Variants in SH3KBP1 observed in about 807,000 individuals in gnomAD.
The protein encoded by SH3KBP1 is SH3 domain-containing kinase-binding protein 1.
In SH3KBP1, 8 loss-of-function variants were observed where a neutral mutation model predicts 50.1. The ratio of observed to expected loss-of-function variants is 0.16; its 90% CI spans 0.09 to 0.29. SH3KBP1 has a LOEUF of 0.29. SH3KBP1 is among the 10% of genes least tolerant of loss of function. The probability of loss-of-function intolerance (pLI) is 1.00; values close to 1 mark genes in which losing one functional copy is unlikely to be tolerated. For synonymous variants in SH3KBP1, 227 were observed against 218.6 expected (o/e 1.04, Z -0.34); for missense variants, 377 against 535.2 (o/e 0.70, Z 2.92).
chrX:19,806,473 G>A (rs1227642133), intron 2 of SH3KBP1, among the ~76,000 whole-genome samples: 7 of 111,210 alleles, frequency 6.3e-5, no homozygotes, highest in African/African-American at 1.6e-4. Flanking sequence ...CCGAGTTCGC[G>A]CCACTGCACT....
intron 2 of SH3KBP1, among the ~76,000 whole-genome samples, chrX:19,781,051 T>C (rs990723905): frequency 8.9e-6 from 1 of 112,409 alleles, no homozygotes; most frequent in East Asian, 2.8e-4. Flanking sequence ...ATGTCTGCCA[T>C]GAAGTGGCTA....
intron 3 of SH3KBP1, among the ~76,000 whole-genome samples, chrX:19,713,452 G>T (rs1000521552): frequency 2.4e-4 from 26 of 107,922 alleles, no homozygotes; most frequent in Non-Finnish European, 4.6e-4. Flanking sequence ...TGTAAAGATG[G>T]GGTCTCGCTA....
chrX:19,608,763 T>C (rs374422064), intron 8 of SH3KBP1, among the ~76,000 whole-genome samples: 7 of 112,028 alleles, frequency 6.2e-5, no homozygotes, highest in Admixed American at 9.5e-5. Context: ...TGAAAAAAGG[T>C]TTTGTGACAG....
chrX:19,684,094 C>T, intron 5 of SH3KBP1, 66 bp from the exon 6 acceptor site: 1 of 924,294 alleles, frequency 1.1e-6, no homozygotes, highest in Admixed American at 2.3e-5. Flanking sequence ...AGAAGAACTT[C>T]ACAACCAGCC....
chrX:19,674,218 A>C (rs1298433538), intron 6 of SH3KBP1, among the ~76,000 whole-genome samples: 1 of 111,162 alleles, frequency 9.0e-6, no homozygotes. Context: ...GGAGGTGTTA[A>C]CTCCATTCCG....
At chrX:19,609,696 G>A (rs1255628882) in intron 8 of SH3KBP1, among the ~76,000 whole-genome samples, 1 of 111,871 alleles carries the variant, frequency 8.9e-6, no homozygotes, top group Non-Finnish European at 1.9e-5. Flanking sequence ...GCCATGGCTT[G>A]TATGGCTCAT....
At chrX:19,793,751 T>C (rs1475742554) in intron 2 of SH3KBP1, among the ~76,000 whole-genome samples, 1 of 111,357 alleles carries the variant, frequency 9.0e-6, no homozygotes, top group Non-Finnish European at 1.9e-5. Flanking sequence ...TTTTACTAAA[T>C]ACTGAAGCTG....
At chrX:19,554,752 A>G (rs1241921536) in intron 13 of SH3KBP1, among the ~76,000 whole-genome samples, 1 of 112,249 alleles carries the variant, frequency 8.9e-6, no homozygotes, top group Non-Finnish European at 1.9e-5. Flanking sequence ...GTTTGGAAAG[A>G]GCACTTTTTG....
chrX:19,853,831 G>A (rs1324086673), intron 1 of SH3KBP1, among the ~76,000 whole-genome samples: 1 of 109,892 alleles, frequency 9.1e-6, no homozygotes, highest in East Asian at 2.9e-4. Flanking sequence ...GCGTGGTGGT[G>A]GGCGCCTGTA....
At chrX:19,631,025 T>C (rs929133093) in intron 8 of SH3KBP1, among the ~76,000 whole-genome samples, 1 of 111,556 alleles carries the variant, frequency 9.0e-6, no homozygotes, top group Admixed American at 9.5e-5. Context: ...TTCCCAGCCC[T>C]GCGAGAGCGA....
At chrX:19,763,081 C>T (rs1301272566) in intron 2 of SH3KBP1, among the ~76,000 whole-genome samples, 1 of 111,789 alleles carries the variant, frequency 8.9e-6, no homozygotes, top group Non-Finnish European at 1.9e-5. Context: ...CATGAAACCA[C>T]CCAGTTGTCT....
intron 2 of SH3KBP1, among the ~76,000 whole-genome samples, chrX:19,783,091 G>A (rs113930358): frequency 0.032 from 3,639 of 112,089 alleles, 113 homozygotes; most frequent in African/African-American, 0.1. Context: ...GCACTCTCCA[G>A]CCTAGGTGAC....
intron 9 of SH3KBP1, among the ~76,000 whole-genome samples, chrX:19,595,741 G>T (rs2066887118): frequency 9.0e-6 from 1 of 111,224 alleles, no homozygotes; most frequent in Middle Eastern, 4.6e-3. Flanking sequence ...ATTGACTGTG[G>T]GAGAGAGATG....
chrX:19,751,158 C>T (rs184696950), intron 2 of SH3KBP1, among the ~76,000 whole-genome samples: 134 of 112,174 alleles, frequency 1.2e-3, no homozygotes, highest in African/African-American at 4.1e-3. Flanking sequence ...TCTTTGAAGT[C>T]CCTTATTATC....
At chrX:19,876,387 A>T (rs2147560989) in intron 1 of SH3KBP1, among the ~76,000 whole-genome samples, 1 of 111,395 alleles carries the variant, frequency 9.0e-6, no homozygotes, top group South Asian at 3.8e-4. Context: ...AAACAAAAAA[A>T]ACACCTAGAT....
intron 6 of SH3KBP1, among the ~76,000 whole-genome samples, chrX:19,647,811 T>A (rs763841488): frequency 9.0e-6 from 1 of 110,820 alleles, no homozygotes; most frequent in Admixed American, 9.6e-5. Context: ...TGAGAACTTG[T>A]TAGTAAAGCA....
chrX:19,592,269 C>T (rs1820608632), intron 10 of SH3KBP1, 122 bp from the exon 11 acceptor site: 7 of 558,347 alleles, frequency 1.3e-5, no homozygotes, highest in African/African-American at 6.9e-5. Flanking sequence ...CTGAGTTGGG[C>T]GTTAGCATTA....
At chrX:19,826,922 C>G (rs1180094455) in intron 2 of SH3KBP1, among the ~76,000 whole-genome samples, 1 of 111,646 alleles carries the variant, frequency 9.0e-6, no homozygotes, top group Admixed American at 9.5e-5. Context: ...ACCTGAAAAT[C>G]TCTACTTTAT....
At chrX:19,569,482 C>T (rs1022036990) in intron 12 of SH3KBP1, among the ~76,000 whole-genome samples, 2 of 112,632 alleles carry the variant, frequency 1.8e-5, no homozygotes, top group Admixed American at 1.9e-4. Context: ...ACACAGGGTG[C>T]AGTATAGGGC....
Sources: allele counts gnomAD v4.1 joint callset (sites outside exome capture counted in the v4.1 genomes callset), GRCh38; gene constraint gnomAD v4.1.1; transcripts MANE v1.5; gene names NCBI Gene and HGNC (gene_info 2026-07-23, HGNC 2026-07-21).